Variants in SPMIP2 observed in about 807,000 individuals in gnomAD.
SPMIP2 encodes the protein protein SPMIP2.
the SPMIP2 span, among the ~76,000 whole-genome samples, chr4:159,081,223 G>C: frequency 2.0e-5 from 3 of 151,906 alleles, no homozygotes; most frequent in Non-Finnish European, 4.4e-5. Flanking sequence ...ATTTTTAGTA[G>C]AGACGAGGTT....
the SPMIP2 span, among the ~76,000 whole-genome samples, chr4:158,924,320 TAG>T: frequency 1.3e-5 from 2 of 152,226 alleles, no homozygotes; most frequent in African/African-American, 2.4e-5. Context: ...GAAAAAGGGT[TAG>T]AGTTTTTGTC....
the SPMIP2 span, among the ~76,000 whole-genome samples, chr4:158,927,705 G>C: frequency 6.6e-6 from 1 of 152,268 alleles, no homozygotes. Flanking sequence ...TGTGGAGGGA[G>C]AGGCGCCAGT....
chr4:158,943,528 A>G, the SPMIP2 span, among the ~76,000 whole-genome samples: 1 of 152,232 alleles, frequency 6.6e-6, no homozygotes, highest in African/African-American at 2.4e-5. Context: ...TTATACAATT[A>G]AAATGATTAA....
the SPMIP2 span, among the ~76,000 whole-genome samples, chr4:158,918,187 A>G: frequency 6.6e-6 from 1 of 152,146 alleles, no homozygotes; most frequent in South Asian, 2.1e-4. Flanking sequence ...CTAATCTTGG[A>G]GAATAGAGGA....
chr4:158,944,952 T>C, the SPMIP2 span, among the ~76,000 whole-genome samples: 2 of 152,166 alleles, frequency 1.3e-5, no homozygotes, highest in African/African-American at 2.4e-5. Context: ...CTTTGGGTAC[T>C]ATGTAAAGGG....
At chr4:158,960,145 TA>T in the SPMIP2 span, 1 of 577,442 alleles carries the variant, frequency 1.7e-6, no homozygotes, top group Non-Finnish European at 3.1e-6. Context: ...TTATTAGAAA[TA>T]AAAATTCGTA....
At chr4:158,914,678 T>C in the SPMIP2 span, among the ~76,000 whole-genome samples, 1 of 152,312 alleles carries the variant, frequency 6.6e-6, no homozygotes, top group Admixed American at 6.5e-5. Flanking sequence ...CCTAACTCTA[T>C]AAAATATTCA....
chr4:159,008,803 CTTCAT>C, the SPMIP2 span, among the ~76,000 whole-genome samples: 2 of 152,176 alleles, frequency 1.3e-5, no homozygotes, highest in Non-Finnish European at 2.9e-5. Context: ...CAAGAATACA[CTTCAT>C]TTCATGAATT....
At chr4:159,032,938 C>T in the SPMIP2 span, among the ~76,000 whole-genome samples, 1 of 152,088 alleles carries the variant, frequency 6.6e-6, no homozygotes, top group Non-Finnish European at 1.5e-5. Flanking sequence ...CCAGCAATTA[C>T]TCTCCTAGGT....
At chr4:158,940,011 A>G in the SPMIP2 span, among the ~76,000 whole-genome samples, 1 of 152,152 alleles carries the variant, frequency 6.6e-6, no homozygotes, top group Non-Finnish European at 1.5e-5. Context: ...AGGGGGCAAG[A>G]CTACTGTATT....
the SPMIP2 span, among the ~76,000 whole-genome samples, chr4:158,988,075 G>T: frequency 1.3e-5 from 2 of 152,036 alleles, no homozygotes; most frequent in Admixed American, 6.6e-5. Flanking sequence ...CACTGATCCT[G>T]CAGAAATACA....
the SPMIP2 span, among the ~76,000 whole-genome samples, chr4:158,968,033 ATTAT>A: frequency 1.3e-4 from 20 of 152,082 alleles, no homozygotes; most frequent in African/African-American, 2.7e-4. Context: ...CATCTCTACT[ATTAT>A]TTATTTATTT....
chr4:158,985,153 C>T, the SPMIP2 span, among the ~76,000 whole-genome samples: 1 of 138,390 alleles, frequency 7.2e-6, no homozygotes, highest in African/African-American at 2.6e-5. Flanking sequence ...AGCTTACCAA[C>T]CAAAAAGAGT....
the SPMIP2 span, chr4:159,064,290 TA>T: frequency 1.3e-5 from 2 of 152,110 alleles, no homozygotes; most frequent in Non-Finnish European, 2.9e-5. Flanking sequence ...TTATTATTAT[TA>T]TTTTTTTAAG....
At chr4:159,026,587 G>T in the SPMIP2 span, 1 of 428,388 alleles carries the variant, frequency 2.3e-6, no homozygotes, top group East Asian at 5.0e-5. Flanking sequence ...CAGTTCAATG[G>T]GCAAATCTCC....
At chr4:159,019,556 C>T in the SPMIP2 span, among the ~76,000 whole-genome samples, 6 of 152,064 alleles carry the variant, frequency 3.9e-5, no homozygotes, top group African/African-American at 1.4e-4. Flanking sequence ...TCTCTTTGCA[C>T]GTGGAAGTGG....
At chr4:158,951,772 C>T in the SPMIP2 span, among the ~76,000 whole-genome samples, 5 of 152,324 alleles carry the variant, frequency 3.3e-5, no homozygotes, top group East Asian at 9.7e-4. Flanking sequence ...GTTCCTATTG[C>T]TGTGAAATGC....
the SPMIP2 span, among the ~76,000 whole-genome samples, chr4:158,901,461 G>C: frequency 3.9e-5 from 6 of 152,014 alleles, no homozygotes; most frequent in Non-Finnish European, 8.8e-5. Context: ...TGACCATTAT[G>C]TGTCTTGGGG....
chr4:158,953,407 A>T, the SPMIP2 span, among the ~76,000 whole-genome samples: 2 of 152,238 alleles, frequency 1.3e-5, no homozygotes, highest in Non-Finnish European at 2.9e-5. Flanking sequence ...GTCAAGAATT[A>T]GGGTTTGAGA....
Sources: gnomAD v4.1 joint callset for allele counts (sites outside exome capture counted in the v4.1 genomes callset) on GRCh38, gnomAD v4.1.1 for gene constraint, MANE v1.5 for transcripts, NCBI Gene and HGNC (gene_info 2026-07-23, HGNC 2026-07-21) for gene names.